ALK: variants seen among roughly 807,000 people sequenced by gnomAD.
ALK encodes the protein ALK receptor tyrosine kinase.
ALK carries 74 observed loss-of-function variants against 163.1 expected under a neutral mutation model. The observed-to-expected ratio is 0.45, with a 90% CI of 0.38 to 0.55. ALK has a LOEUF of 0.55. ALK is among the 20% of genes least tolerant of loss of function. ALK has a pLI of 0.00. For synonymous variants in ALK, 960 were observed against 843.2 expected (o/e 1.14, Z -2.40); for missense variants, 2,063 against 2,105.3 (o/e 0.98, Z 0.39).
At chr2:29,916,535 T>A (rs1420338157) in intron 1 of ALK, among the ~76,000 whole-genome samples, 2 of 152,206 alleles carry the variant, frequency 1.3e-5, no homozygotes, top group Admixed American at 6.5e-5. Flanking sequence ...CTCTCCATCC[T>A]CCTTTGCTCT....
intron 1 of ALK, among the ~76,000 whole-genome samples, chr2:29,730,151 T>G (rs1679696236): frequency 1.3e-5 from 2 of 152,146 alleles, no homozygotes; most frequent in South Asian, 4.1e-4. Flanking sequence ...CGGCACAAGC[T>G]CCGAGAAAGC....
chr2:29,474,981 T>C (rs1175799155), intron 4 of ALK, among the ~76,000 whole-genome samples: 1 of 152,054 alleles, frequency 6.6e-6, no homozygotes, highest in Non-Finnish European at 1.5e-5. Flanking sequence ...AAGAGAGGAG[T>C]TAGGGAACCC....
chr2:29,521,735 A>G (rs1427330049), intron 4 of ALK, among the ~76,000 whole-genome samples: 3 of 152,270 alleles, frequency 2.0e-5, no homozygotes, highest in Non-Finnish European at 4.4e-5. Context: ...CTCTTGGGCC[A>G]TCAGCTCCAG....
rs78013223 is a variant in ALK, at chr2:29,679,099, G to A, written c.952+15751C>T. Among the ~76,000 whole-genome samples the A allele has an allele frequency of 5.1e-3, 769 of 151,842 alleles. 12 individuals carry two copies. Among genetic ancestry groups the A allele is most frequent in the African/African-American group, 0.017 (707 of 41,478 alleles). ...AATTGTTATCTCTTCCTGGTGAATT[G>A]ACATTTTTATCATTATAAAATATAC... On this transcript the variant is annotated intron_variant, in intron 3 of 28. Coordinates refer to ENST00000389048, the MANE Select transcript of ALK (RefSeq NM_004304.5).
At chr2:29,690,418 G>A (rs1478525548) in intron 3 of ALK, among the ~76,000 whole-genome samples, 1 of 152,186 alleles carries the variant, frequency 6.6e-6, no homozygotes, top group Non-Finnish European at 1.5e-5. Flanking sequence ...CATGAGTGAG[G>A]CCCTGGGGAG....
chr2:29,302,533 A>G (rs1244815426), intron 8 of ALK, among the ~76,000 whole-genome samples: 1 of 152,202 alleles, frequency 6.6e-6, no homozygotes, highest in Non-Finnish European at 1.5e-5. Flanking sequence ...AGAAAAAAAA[A>G]GAATTAACCT....
At chr2:29,408,894 A>G (rs1193342160) in intron 4 of ALK, among the ~76,000 whole-genome samples, 2 of 152,224 alleles carry the variant, frequency 1.3e-5, no homozygotes, top group Non-Finnish European at 2.9e-5. Context: ...AAAAGAACAG[A>G]ACTTGCTGAT....
intron 3 of ALK, among the ~76,000 whole-genome samples, chr2:29,606,448 T>G (rs1675544873): frequency 6.6e-6 from 1 of 152,208 alleles, no homozygotes; most frequent in South Asian, 2.1e-4. Flanking sequence ...TGCAAAGAAT[T>G]TAAGCGTATT....
intron 23 of ALK, among the ~76,000 whole-genome samples, chr2:29,215,598 C>A (rs1669582079): frequency 6.6e-6 from 1 of 152,184 alleles, no homozygotes; most frequent in Non-Finnish European, 1.5e-5. Context: ...GCCAAAGCTG[C>A]CCGGAGATGG....
chr2:29,680,388 T>C (rs933366926), intron 3 of ALK, among the ~76,000 whole-genome samples: 5 of 152,088 alleles, frequency 3.3e-5, no homozygotes, highest in Non-Finnish European at 7.4e-5. Context: ...TTCTCTCTGT[T>C]CTTTAGGGTG....
intron 4 of ALK, among the ~76,000 whole-genome samples, chr2:29,454,399 G>A (rs988863578): frequency 1.3e-5 from 2 of 152,078 alleles, no homozygotes; most frequent in Admixed American, 1.3e-4. Flanking sequence ...TAAGTGCTAG[G>A]TAAACAGCTG....
chr2:29,779,547 G>C (rs1433910731), intron 1 of ALK, among the ~76,000 whole-genome samples: 1 of 152,198 alleles, frequency 6.6e-6, no homozygotes, highest in Non-Finnish European at 1.5e-5. Context: ...CTCCTGAATA[G>C]AGTCTGCATC....
intron 3 of ALK, among the ~76,000 whole-genome samples, chr2:29,627,672 G>T (rs185162530): frequency 6.6e-6 from 1 of 152,320 alleles, no homozygotes; most frequent in Non-Finnish European, 1.5e-5. Flanking sequence ...TTGAAGGGGA[G>T]ATGGGGGTGG....
At chr2:29,337,927 T>C (rs951274269) in intron 5 of ALK, among the ~76,000 whole-genome samples, 1 of 152,246 alleles carries the variant, frequency 6.6e-6, no homozygotes, top group Non-Finnish European at 1.5e-5. Context: ...GGGTGAATGC[T>C]GACATAGCTT....
intron 4 of ALK, among the ~76,000 whole-genome samples, chr2:29,479,450 A>C (rs549921063): frequency 2.0e-5 from 3 of 152,164 alleles, no homozygotes; most frequent in Non-Finnish European, 4.4e-5. Context: ...ATCCTATCTT[A>C]CCAAAGCTTT....
chr2:29,826,951 C>A (rs1046394758), intron 1 of ALK, among the ~76,000 whole-genome samples: 2 of 152,200 alleles, frequency 1.3e-5, no homozygotes, highest in Non-Finnish European at 2.9e-5. Flanking sequence ...GTTAATAGTG[C>A]AGCATTTCAA....
At chr2:29,432,485 C>T (rs994638461) in intron 4 of ALK, among the ~76,000 whole-genome samples, 2 of 152,088 alleles carry the variant, frequency 1.3e-5, no homozygotes, top group African/African-American at 4.8e-5. Context: ...CAAATAAAGC[C>T]CTTTTCTTTA....
chr2:29,509,285 C>A (rs1023889611), intron 4 of ALK, among the ~76,000 whole-genome samples: 2 of 152,256 alleles, frequency 1.3e-5, no homozygotes, highest in South Asian at 4.2e-4. Context: ...TCAACACATC[C>A]CTGGTTTCCC....
At chr2:29,886,486 A>G (rs377720952) in intron 1 of ALK, among the ~76,000 whole-genome samples, 1 of 152,240 alleles carries the variant, frequency 6.6e-6, no homozygotes, top group South Asian at 2.1e-4. Context: ...CTTTTATAAG[A>G]GACTAAACAG....
Sources: gnomAD v4.1 joint callset for allele counts (sites outside exome capture counted in the v4.1 genomes callset) on GRCh38, gnomAD v4.1.1 for gene constraint, MANE v1.5 for transcripts, NCBI Gene and HGNC (gene_info 2026-07-23, HGNC 2026-07-21) for gene names.